Variants in MISP observed in about 807,000 individuals in gnomAD.
The protein encoded by MISP is mitotic interactor and substrate of PLK1.
MISP carries 51 observed loss-of-function variants against 49.3 expected under a neutral mutation model. That is an observed-to-expected ratio of 1.03 (90% CI 0.83 to 1.31). MISP has a LOEUF of 1.31. Ranked by LOEUF, MISP falls within the 50% of genes most tolerant of loss-of-function variation. The probability of loss-of-function intolerance (pLI) is 0.00; values close to 1 mark genes in which losing one functional copy is unlikely to be tolerated. For missense variants in MISP, 1,084 were observed against 935.1 expected, an observed-to-expected ratio of 1.16 and a Z score of -2.08; for synonymous variants, 444 against 392.6, an observed-to-expected ratio of 1.13 and a Z score of -1.55.
Position 759,947 on chromosome 19 carries a change from T to C in MISP, c.1819T>C (p.Phe607Leu). 1 of 1,614,060 alleles carries C rather than the reference T, an allele frequency of 6.2e-7. No individual in the cohort carries two copies. ...TTACTCGGTGTCTGAGTCTCCCTTC[T>C]TCAGCCCCATCCACCTACACTCAAA... ...GSYSVSESPF[F>L]SPIHLHSNVA... The change falls in exon 3 of 5, where the codon TTC (phenylalanine) becomes CTC (leucine). Residue 607 changes from phenylalanine (F) to leucine (L), a missense_variant. By Grantham distance (22) the Phe-to-Leu change is conservative. Transcript: ENST00000215582.
chr19:755,350 G>C (rs1168751996), intron 1 of MISP, among the ~76,000 whole-genome samples: 1 of 152,200 alleles, frequency 6.6e-6, no homozygotes, highest in Non-Finnish European at 1.5e-5. Context: ...GCCCATCCTG[G>C]CTTTATGGCG....
chr19:751,626 GT>G (rs1363022685), intron 1 of MISP, among the ~76,000 whole-genome samples: 1 of 152,188 alleles, frequency 6.6e-6, no homozygotes, highest in Non-Finnish European at 1.5e-5. Context: ...CTGGGGGCTG[GT>G]TTGGGGACAC....
rs1315834638 is a variant in MISP, at chr19:760,018, G to A, written c.1890G>A (p.Gly630=). Residue 630 remains glycine, a synonymous_variant, in exon 3 of 5, where the codon GGG becomes GGA. Coordinates refer to ENST00000215582, the MANE Select transcript of MISP (RefSeq NM_173481.4). ...ATCCAGTGGACAGTGCTCCTCCCGG[G>A]CAGAGAAAGAAGGAGCAATGGGTGA... ...VEDPVDSAPP[G]QRKKEQWYAG... is the part of the protein sequence containing the mutation. 1 of 1,613,924 alleles carries A rather than the reference G, an allele frequency of 6.2e-7. No homozygotes were observed. Among genetic ancestry groups the A allele is most frequent in the Non-Finnish European group, 8.5e-7 (1 of 1,179,884 alleles).
chr19:761,727 A>T (rs2033675827), intron 4 of MISP, 64 bp downstream of exon 4: 2 of 1,577,738 alleles, frequency 1.3e-6, no homozygotes, highest in Non-Finnish European at 8.7e-7. Flanking sequence ...CCCTGCACAC[A>T]GGGGCCAACG....
chr19:754,380 G>A (rs550855823), intron 1 of MISP, among the ~76,000 whole-genome samples: 83 of 151,924 alleles, frequency 5.5e-4, no homozygotes, highest in African/African-American at 1.8e-3. Flanking sequence ...GGAGAATGGC[G>A]TGAACCTGGG....
Position 761,476 on chromosome 19 carries a change from C to T in MISP, c.1912-149C>T, listed in dbSNP as rs528654096. ...GGGGATGGCTGTGAGTCTGGGTGAT[C>T]GTGGGACACGTGTTGAGAACACTCA... On this transcript the variant is annotated intron_variant, in intron 3 of 4. Transcript: ENST00000215582. 51 of 777,158 alleles carry T rather than the reference C, an allele frequency of 6.6e-5. 1 individual carries two copies. The East Asian group carries it at 1.1e-3, about 17-fold the overall frequency. The allele number at this position is 777,158 out of a possible 1,614,324, so 48.1% of individuals were successfully genotyped here.
chr19:761,564 G>A (rs920855283), intron 3 of MISP, 61 bp from the exon 4 acceptor site: 2 of 1,600,378 alleles, frequency 1.2e-6, no homozygotes, highest in Non-Finnish European at 1.7e-6. Flanking sequence ...GGGAGCTCTG[G>A]TCGGACTCTG....
chr19:763,395 T>G (rs1261527073), intron 4 of MISP, 106 bp from the exon 5 acceptor site: 2 of 743,358 alleles, frequency 2.7e-6, no homozygotes, highest in African/African-American at 3.5e-5. Context: ...GAGGGGATCC[T>G]ACTTTACCCC....
intron 1 of MISP, among the ~76,000 whole-genome samples, chr19:751,610 G>A (rs1404468636): frequency 1.3e-5 from 2 of 152,192 alleles, no homozygotes; most frequent in Non-Finnish European, 2.9e-5. Context: ...AAACACCCCC[G>A]TGGGGCTGGG....
intron 1 of MISP, among the ~76,000 whole-genome samples, chr19:754,495 C>T (rs562814822): frequency 1.3e-5 from 2 of 151,956 alleles, no homozygotes; most frequent in African/African-American, 4.8e-5. Context: ...GGTGTGGGGG[C>T]GGGTGCCCGT....
chr19:762,897 C>A (rs2033696037), intron 4 of MISP, among the ~76,000 whole-genome samples: 2 of 152,074 alleles, frequency 1.3e-5, no homozygotes, highest in African/African-American at 4.8e-5. Context: ...GTCTCGAATT[C>A]CTGCATTCAA....
In MISP at chr19:758,109, G is replaced by C; in HGVS notation, c.1163G>C (p.Gly388Ala). 6.2e-7 allele frequency: 1 copy of C among 1,600,490 alleles called. No individual in the cohort carries two copies. The highest frequency in any genetic ancestry group is 8.5e-7 in the Non-Finnish European group (1 of 1,173,456). Reference sequence around the variant, plus strand: ...TGGGTCTCGGAGGGTCCCCAGCCCGGACTCCGGAGAGCCCTCAGCTCAGAT... The same window carrying C: ...TGGGTCTCGGAGGGTCCCCAGCCCGCACTCCGGAGAGCCCTCAGCTCAGAT... Reference protein sequence around the residue: ...PDWVSEGPQPGLRRALSSDSI... With the variant: ...PDWVSEGPQPALRRALSSDSI... Residue 388 changes from glycine to alanine, a missense_variant, in exon 2 of 5, where the codon GGA becomes GCA. Physicochemically the swap from Gly to Ala is moderately conservative, Grantham distance 60. Coordinates refer to ENST00000215582, the MANE Select transcript of MISP (RefSeq NM_173481.4).
chr19:749,413 A>AGGGGGTGGCG (rs1267278815), upstream of MISP, among the ~76,000 whole-genome samples: 41 of 152,184 alleles, frequency 2.7e-4, no homozygotes, highest in African/African-American at 9.9e-4. Context: ...AAGGACGTGA[A>AGGGGGTGGCG]GGGGGTGGCG....
chr19:762,973 C>A (rs1396083336), intron 4 of MISP, among the ~76,000 whole-genome samples: 5 of 152,146 alleles, frequency 3.3e-5, no homozygotes, highest in Admixed American at 3.3e-4. Flanking sequence ...TCGCCTGACC[C>A]CTCTTTGAGC....
chr19:753,098 G>A lies in MISP; in HGVS notation c.-58+1927G>A, dbSNP rs545092364. On this transcript the variant is annotated intron_variant, in intron 1 of 4. Coordinates refer to ENST00000215582, the MANE Select transcript of MISP (RefSeq NM_173481.4). ...CGGGTGGGAGAAGGCAAGGCCTTCCGTGAGCTGGGCAGGCGGCGTCCACGG... is the reference window on the plus strand; with the variant it reads ...CGGGTGGGAGAAGGCAAGGCCTTCCATGAGCTGGGCAGGCGGCGTCCACGG... 2.6e-5 allele frequency among the ~76,000 whole-genome samples: 4 copies of A among 152,352 alleles called. No homozygotes were observed. In the South Asian group the frequency reaches 8.3e-4, roughly 32 times the overall value.
rs765617975 is a variant in MISP at position 758,246 on chromosome 19, C to T, written c.1300C>T (p.Pro434Ser). 64 of 1,613,510 alleles carry T rather than the reference C, an allele frequency of 4.0e-5. No homozygotes were observed. Among genetic ancestry groups the T allele is most frequent in the Non-Finnish European group, 5.3e-5 (63 of 1,180,010 alleles). ...AYQPYLSPGT[P>S]QLEFSAFGAF... ...CCAGCCGTACCTGAGCCCCGGGACC[C>T]CCCAGCTAGAATTCTCAGCCTTCGG... The change falls in exon 2 of 5, where the codon CCC (proline) becomes TCC (serine). Residue 434 changes from proline to serine, a missense_variant. Pro to Ser is a moderately conservative substitution (Grantham distance 74). Coordinates refer to ENST00000215582, the MANE Select transcript of MISP (RefSeq NM_173481.4).
At position 758,594 on chromosome 19, in the gene MISP, G is replaced by C; in HGVS notation, c.1648G>C (p.Glu550Gln). 1 of 1,614,264 alleles carries C rather than the reference G, an allele frequency of 6.2e-7. No homozygotes were observed. The highest frequency in any genetic ancestry group is 1.3e-5 in the African/African-American group (1 of 75,070). ...CCAGTCATCTGATCTGCTGGAAAGG[G>C]AGAGGGAGAGTGTCCTGCGCCGGGA... ...KSQSSDLLER[E>Q]RESVLRREQE... is the part of the protein sequence containing the mutation. The change falls in exon 2 of 5, where the codon GAG becomes CAG. Residue 550 changes from glutamate (E) to glutamine (Q), a missense_variant. Glu to Gln is a conservative substitution (Grantham distance 29). Coordinates refer to ENST00000215582, the MANE Select transcript of MISP (RefSeq NM_173481.4).
chr19:757,253 C>A lies in MISP; in HGVS notation c.307C>A (p.His103Asn). 6.2e-7 allele frequency: 1 copy of A among 1,613,922 alleles called. No homozygotes were observed. The highest frequency in any genetic ancestry group is 8.5e-7 in the Non-Finnish European group (1 of 1,179,980). Residue 103 changes from histidine to asparagine, a missense_variant, in exon 2 of 5, where the codon CAC becomes AAC. Transcript: ENST00000215582. ...TTACCGCCTGGGCGCCAGGGATGCC[C>A]ACCAGGGACGTCCAACATGGGCACT... Reference protein sequence around the residue: ...QVYRLGARDAHQGRPTWALRP... With the variant: ...QVYRLGARDANQGRPTWALRP...
rs1222999206 is a variant in MISP, at chr19:757,350, G to A, written c.404G>A (p.Arg135Lys). The change falls in exon 2 of 5, where the codon AGG becomes AAG. Residue 135 changes from arginine (R) to lysine (K), a missense_variant. Physicochemically the swap from Arg to Lys is conservative, Grantham distance 26 (BLOSUM62 2). Coordinates refer to ENST00000215582, the MANE Select transcript of MISP (RefSeq NM_173481.4). ...RLDAGDADPR[R>K]LCDLERERWA... ...GATGCTGGGGACGCTGACCCCAGGAGGCTGTGTGACCTGGAGCGGGAGCGC... is the reference window on the plus strand; with the variant it reads ...GATGCTGGGGACGCTGACCCCAGGAAGCTGTGTGACCTGGAGCGGGAGCGC... 2 of 1,613,638 alleles carry A rather than the reference G, an allele frequency of 1.2e-6. No individual in the cohort carries two copies. Among genetic ancestry groups the A allele is most frequent in the Non-Finnish European group, 1.7e-6 (2 of 1,179,888 alleles).
Sources: gnomAD v4.1 joint callset for allele counts (sites outside exome capture counted in the v4.1 genomes callset) on GRCh38, gnomAD v4.1.1 for gene constraint, MANE v1.5 for transcripts, NCBI Gene and HGNC (gene_info 2026-07-23, HGNC 2026-07-21) for gene names.